The following SLC25A17 variants were observed in gnomAD, a reference collection of about 807,000 sequenced individuals.
SLC25A17 encodes peroxisomal membrane protein PMP34.
In SLC25A17, 26 loss-of-function variants were observed where a neutral mutation model predicts 38.5. The observed-to-expected ratio is 0.68, with a 90% CI of 0.50 to 0.94. SLC25A17 has a LOEUF of 0.94. Among genes scored for constraint, SLC25A17 ranks in the 40% least tolerant of loss-of-function variants. The pLI is 0.00. For synonymous variants in SLC25A17, 139 were observed against 136.2 expected (o/e 1.02, Z -0.14); for missense variants, 333 against 372.7 (o/e 0.89, Z 0.88).
At chr22:40,776,240 T>C (rs1446324183) in intron 7 of SLC25A17, 3 of 460,232 alleles carry the variant, frequency 6.5e-6, no homozygotes. Flanking sequence ...TTATGACTTT[T>C]ATTTACCACT....
In SLC25A17 at chr22:40,794,504, T is replaced by C; in HGVS notation, c.182+10A>G. 1 of 1,577,136 alleles carries C rather than the reference T, an allele frequency of 6.3e-7. No homozygotes were observed. ...TTGCTTTAACGAAGGTGAACTGAGG[T>C]AGTACTCACAGTCCTTCTTCTTTAA... is the stretch of plus-strand genomic sequence containing the variant. On this transcript the variant is annotated intron_variant, in intron 3 of 8. Coordinates refer to ENST00000435456, the MANE Select transcript of SLC25A17 (RefSeq NM_006358.4).
chr22:40,807,551 C>T (rs1285208271), intron 1 of SLC25A17, among the ~76,000 whole-genome samples: 4 of 152,110 alleles, frequency 2.6e-5, no homozygotes, highest in Non-Finnish European at 5.9e-5. Flanking sequence ...ATATCGAGAC[C>T]ATCTTGGCTA....
At chr22:40,778,653 G>A (rs1444909597) in intron 5 of SLC25A17, among the ~76,000 whole-genome samples, 2 of 152,050 alleles carry the variant, frequency 1.3e-5, no homozygotes, top group Admixed American at 6.6e-5. Flanking sequence ...GTGCCATGTC[G>A]GTTTGCTGCA....
rs71200615 is a variant in SLC25A17 at position 40,775,436 on chromosome 22, G to GTTTTT, written c.694-1422_694-1418dup. Reference sequence around the variant, plus strand: ...TGAATAAGTCTCATGAGATCTGATGGTTTTTTTTTTTTTTTTTTTTTTTTT... The same window carrying GTTTTT: ...TGAATAAGTCTCATGAGATCTGATGGTTTTTTTTTTTTTTTTTTTTTTTTTTTTTT... On this transcript the variant is annotated intron_variant, in intron 7 of 8. Transcript: ENST00000435456. Among the ~76,000 whole-genome samples, 35 of 86,844 alleles carry GTTTTT rather than the reference G, an allele frequency of 4.0e-4. 8 individuals carry two copies. The highest frequency in any genetic ancestry group is 1.7e-3 in the East Asian group (6 of 3,634). 57.0% of individuals were successfully genotyped at this position (86,844 alleles called of 152,430 possible).
chr22:40,788,996 G>T (rs2057362030), intron 4 of SLC25A17: 1 of 325,924 alleles, frequency 3.1e-6, no homozygotes, highest in Non-Finnish European at 6.1e-6. Flanking sequence ...TTGAAGGTAT[G>T]CATGGTATGT....
chr22:40,771,819 T>C (rs2057186312), intron 8 of SLC25A17, among the ~76,000 whole-genome samples: 1 of 152,144 alleles, frequency 6.6e-6, no homozygotes, highest in African/African-American at 2.4e-5. Flanking sequence ...TAGTCAATAA[T>C]AATTTAATTG....
chr22:40,779,436 T>C (rs2057276474), intron 4 of SLC25A17: 2 of 582,060 alleles, frequency 3.4e-6, no homozygotes, highest in Non-Finnish European at 5.9e-6. Flanking sequence ...AATTTTGATA[T>C]AGCTTTAAAT....
In SLC25A17 at chr22:40,779,097, T is replaced by C. The variant is rs1453922778; in HGVS notation, c.363A>G (p.Pro121=). Residue 121 remains proline, a synonymous_variant, in exon 5 of 9, where the codon CCA becomes CCG. Coordinates refer to ENST00000435456, the MANE Select transcript of SLC25A17 (RefSeq NM_006358.4). ...TCAGTCTGGTGTTTACCACCCAGAG[T>C]GGAGTTGTTAGCAACACATTAACCA... ...AGVVNVLLTT[P]LWVVNTRLKL... is the part of the protein sequence containing the mutation. The C allele has an allele frequency of 1.9e-6, 3 of 1,614,208 alleles. No homozygotes were observed. In the Admixed American group the frequency reaches 5.0e-5, roughly 27 times the overall value.
At chr22:40,817,006 C>T (rs890833500) in intron 1 of SLC25A17, among the ~76,000 whole-genome samples, 3 of 152,182 alleles carry the variant, frequency 2.0e-5, no homozygotes, top group African/African-American at 7.2e-5. Flanking sequence ...CAGCGTGTGG[C>T]ACATAGAATG....
chr22:40,794,080 A>G (rs1300088418), intron 3 of SLC25A17, among the ~76,000 whole-genome samples: 1 of 152,210 alleles, frequency 6.6e-6, no homozygotes, highest in Non-Finnish European at 1.5e-5. Context: ...ATCTGGGTAA[A>G]GCATATACTT....
At chr22:40,802,666 T>A (rs181835304) in intron 1 of SLC25A17, among the ~76,000 whole-genome samples, 1 of 151,984 alleles carries the variant, frequency 6.6e-6, no homozygotes, top group Non-Finnish European at 1.5e-5. Context: ...AAAATTCAAA[T>A]GAGTAACACC....
In SLC25A17 at chr22:40,777,117, A is replaced by G; in HGVS notation, c.616T>C (p.Phe206Leu). The change falls in exon 7 of 9, where the codon TTC (phenylalanine) becomes CTC (leucine). Residue 206 changes from phenylalanine to leucine, a missense_variant. Phe to Leu is a conservative substitution (Grantham distance 22). Coordinates refer to ENST00000435456, the MANE Select transcript of SLC25A17 (RefSeq NM_006358.4). ...KRMKLSSLDV[F>L]IIGAVAKAIA... is the part of the protein sequence containing the mutation. Reference sequence around the variant, plus strand: ...GCTTTGGCTACTGCACCAATGATGAACACATCCAAGGAAGAAAGCTGGAAA... The same window carrying G: ...GCTTTGGCTACTGCACCAATGATGAGCACATCCAAGGAAGAAAGCTGGAAA... 6.2e-7 allele frequency: 1 copy of G among 1,614,192 alleles called. No homozygotes were observed. The highest frequency in any genetic ancestry group is 2.2e-5 in the East Asian group (1 of 44,878).
chr22:40,817,325 G>A (rs961704618), intron 1 of SLC25A17: 7 of 152,236 alleles, frequency 4.6e-5, no homozygotes, highest in East Asian at 3.9e-4. Context: ...TCCATCCTTC[G>A]TTTGTCTCCT....
At chr22:40,779,717 CA>C (rs1226749911) in intron 4 of SLC25A17, 1 of 156,454 alleles carries the variant, frequency 6.4e-6, no homozygotes, top group Non-Finnish European at 1.4e-5. Context: ...GTAAGTGTCA[CA>C]AAACACCTGA....
rs916255784 is a variant in SLC25A17, at chr22:40,774,169, A to G, written c.694-150T>C. On this transcript the variant is annotated intron_variant, in intron 7 of 8. Transcript: ENST00000435456. ...GTACCATAGATTTCATTAATCCTGT[A>G]TTTTTCAACTGAGTGAAATATTTCA... is the stretch of plus-strand genomic sequence containing the variant. The G allele has an allele frequency of 1.4e-5, 7 of 503,334 alleles. No homozygotes were observed. The African/African-American group carries it at 1.4e-4, about 10-fold the overall frequency. The allele number at this position is 503,334 out of a possible 1,614,324, so 31.2% of individuals were successfully genotyped here. A position where few individuals can be genotyped will look rare whatever the true frequency, so the allele number is the denominator to read the frequency against.
chr22:40,794,627 AT>A (rs746386436), intron 2 of SLC25A17, 47 bp from the exon 3 acceptor site: 1,956 of 1,192,126 alleles, frequency 1.6e-3, no homozygotes, highest in East Asian at 1.9e-3. Context: ...TAAAAAAAAA[AT>A]TTTTTTTTTG....
chr22:40,777,959 G>C (rs958260822), intron 5 of SLC25A17, among the ~76,000 whole-genome samples: 4 of 152,002 alleles, frequency 2.6e-5, no homozygotes, highest in Non-Finnish European at 4.4e-5. Flanking sequence ...ACCATCACTG[G>C]GAATTCTGGA....
At chr22:40,773,823 T>A (rs2057212322) in intron 8 of SLC25A17, 114 bp downstream of exon 8, 7 of 764,276 alleles carry the variant, frequency 9.2e-6, no homozygotes, top group Non-Finnish European at 1.7e-5. Context: ...AAGGGAAAGG[T>A]TTTGGAGGTT....
intron 2 of SLC25A17, 147 bp from the exon 3 acceptor site, chr22:40,794,727 C>T (rs1455128983): frequency 4.9e-6 from 2 of 406,650 alleles, no homozygotes; most frequent in South Asian, 3.3e-5. Context: ...TCAAGCGATT[C>T]TCCTGTTGCA....
Sources: gnomAD v4.1 joint callset for allele counts (sites outside exome capture counted in the v4.1 genomes callset) on GRCh38, gnomAD v4.1.1 for gene constraint, MANE v1.5 for transcripts, NCBI Gene and HGNC (gene_info 2026-07-23, HGNC 2026-07-21) for gene names.